Variants in EPB41L4B observed in about 807,000 individuals in gnomAD.
The protein encoded by EPB41L4B is band 4.1-like protein 4B.
In EPB41L4B, 30 loss-of-function variants were observed where a neutral mutation model predicts 112.5. The observed-to-expected ratio is 0.27, with a 90% CI of 0.20 to 0.36. The LOEUF is 0.36. EPB41L4B is among the 10% of genes least tolerant of loss of function. EPB41L4B has a pLI of 1.00. For missense variants in EPB41L4B, 1,024 were observed against 1,133.3 expected, an observed-to-expected ratio of 0.90 and a Z score of 1.38; for synonymous variants, 408 against 439.7, an observed-to-expected ratio of 0.93 and a Z score of 0.90.
chr9:109,221,030 C>T (rs964884416), intron 15 of EPB41L4B, among the ~76,000 whole-genome samples: 20 of 152,252 alleles, frequency 1.3e-4, no homozygotes, highest in Non-Finnish European at 2.5e-4. Context: ...TCAGCTGTAA[C>T]GTGAGTTGGG....
intron 2 of EPB41L4B, among the ~76,000 whole-genome samples, chr9:109,276,627 C>T (rs534180063): frequency 8.3e-4 from 127 of 152,280 alleles, no homozygotes; most frequent in African/African-American, 2.9e-3. Flanking sequence ...AGGTGTCTGG[C>T]CTGGGAAAGC....
chr9:109,210,245 T>C (rs1278297784), intron 17 of EPB41L4B, among the ~76,000 whole-genome samples: 2 of 152,260 alleles, frequency 1.3e-5, no homozygotes, highest in African/African-American at 4.8e-5. Flanking sequence ...AAGTAACATT[T>C]ATTTTGAAAG....
intron 1 of EPB41L4B, among the ~76,000 whole-genome samples, chr9:109,306,445 C>A (rs1837195593): frequency 6.6e-6 from 1 of 152,114 alleles, no homozygotes; most frequent in East Asian, 1.9e-4. Flanking sequence ...AAAACCCCGT[C>A]TCTATTAAAA....
rs550043612 is a variant in EPB41L4B, at chr9:109,289,864, TC to T, written c.307-9944del. On this transcript the variant is annotated intron_variant, in intron 1 of 25. Coordinates refer to ENST00000374566, the MANE Select transcript of EPB41L4B (RefSeq NM_019114.5). ...TTGCATTTGTTCCAACTAAATTGCATCCTATTTAAATTGGCCTATGATCTAT... is the reference window on the plus strand; with the variant it reads ...TTGCATTTGTTCCAACTAAATTGCATCTATTTAAATTGGCCTATGATCTAT... 1.1e-3 allele frequency among the ~76,000 whole-genome samples: 172 copies of T among 152,344 alleles called. 2 individuals carry two copies. Among genetic ancestry groups the T allele is most frequent in the African/African-American group, 4.0e-3 (165 of 41,586 alleles).
intron 24 of EPB41L4B, among the ~76,000 whole-genome samples, chr9:109,181,772 T>C (rs1248376701): frequency 2.0e-5 from 3 of 152,170 alleles, no homozygotes; most frequent in Non-Finnish European, 4.4e-5. Context: ...TGAAAACAGG[T>C]GTTCAAACAG....
At position 109,283,821 on chromosome 9, in the gene EPB41L4B, T is replaced by A. The variant is rs1836164755; in HGVS notation, c.307-3900A>T. Among the ~76,000 whole-genome samples the A allele has an allele frequency of 2.6e-5, 4 of 151,970 alleles. No homozygotes were observed. In the South Asian group the frequency reaches 8.3e-4, roughly 32 times the overall value. The stretch of plus-strand genomic sequence containing the variant: ...TGCACTTAAGGCCAGGCATGGTGGC[T>A]CATGCCTCTAATTCCAGTACTTTGG... On this transcript the variant is annotated intron_variant, in intron 1 of 25. Transcript: ENST00000374566.
chr9:109,263,066 A>G lies in EPB41L4B; in HGVS notation c.615T>C (p.Ala205=). The change falls in exon 6 of 26, where the codon GCT becomes GCC. Residue 205 remains alanine, a synonymous_variant. Transcript: ENST00000374566. ...KCPYETAVEL[A]ALCLQAELGE... is the part of the protein sequence containing the mutation. ...TTAATGTACCTTGTAGACAGAGAGC[A>G]GCTAATTCCACAGCTGTTTCATAAG... 1 of 1,597,240 alleles carries G rather than the reference A, an allele frequency of 6.3e-7. No individual in the cohort carries two copies. Among genetic ancestry groups the G allele is most frequent in the Non-Finnish European group, 8.6e-7 (1 of 1,168,792 alleles).
chr9:109,301,770 G>A lies in EPB41L4B; in HGVS notation c.306+18371C>T, dbSNP rs377505531. The stretch of plus-strand genomic sequence containing the variant: ...ACAACGCGTTGAGATAAATATTTCC[G>A]ATAAAAATAACCCCAACTGATACTC... On this transcript the variant is annotated intron_variant, in intron 1 of 25. Transcript: ENST00000374566. Among the ~76,000 whole-genome samples, 9 of 152,216 alleles carry A rather than the reference G, an allele frequency of 5.9e-5. No individual in the cohort carries two copies. In the East Asian group the frequency reaches 1.2e-3, roughly 20 times the overall value.
At chr9:109,239,270 G>C (rs911763092) in intron 15 of EPB41L4B, among the ~76,000 whole-genome samples, 3 of 152,190 alleles carry the variant, frequency 2.0e-5, no homozygotes, top group Non-Finnish European at 4.4e-5. Context: ...AGTTGTAGAT[G>C]ATGTATACAT....
At position 109,321,035 on chromosome 9, in the gene EPB41L4B, T is replaced by C. The variant is rs1467993034; in HGVS notation, c.-589A>G. 1.8e-4 allele frequency: 34 copies of C among 186,862 alleles called. No homozygotes were observed. The highest frequency in any genetic ancestry group is 1.0e-3 in the East Asian group (6 of 5,952). 11.6% of individuals were successfully genotyped at this position (186,862 alleles called of 1,614,324 possible). On this transcript the variant is annotated 5_prime_UTR_variant, in exon 1 of 26. Transcript: ENST00000374566. ...CCGCCGCCGCCGCCGCCGCCGCCGC[T>C]GCCGCCGGGACTGCAGCACGCCCTC...
At position 109,194,256 on chromosome 9, in the gene EPB41L4B, C is replaced by T; in HGVS notation, c.2187G>A (p.Lys729=). The change falls in exon 21 of 26, where the codon AAG becomes AAA. Residue 729 remains lysine (K), a synonymous_variant. Transcript: ENST00000374566. The part of the protein sequence containing the change: ...PKVQNVSSPH[K]SEGKGLLSPG... ...GGGACAGCAGGCCTTTGCCTTCTGACTTGTGAGGCGAGCTGACATTCTGGA... is the reference window on the plus strand; with the variant it reads ...GGGACAGCAGGCCTTTGCCTTCTGATTTGTGAGGCGAGCTGACATTCTGGA... 6.2e-7 allele frequency: 1 copy of T among 1,614,216 alleles called. No homozygotes were observed. The highest frequency in any genetic ancestry group is 8.5e-7 in the Non-Finnish European group (1 of 1,180,042).
rs150684957 is a variant in EPB41L4B at position 109,260,308 on chromosome 9, G to A, written c.632-2011C>T. Among the ~76,000 whole-genome samples, 526 of 151,802 alleles carry A rather than the reference G, an allele frequency of 3.5e-3. 4 individuals are homozygous for A. The highest frequency in any genetic ancestry group is 0.012 in the African/African-American group (496 of 41,380). Reference sequence around the variant, plus strand: ...TGGTCTCAAACTCCTGGGCCCAAGCGATCCGCCCACCTCAGCCTCCCAAAG... The same window carrying A: ...TGGTCTCAAACTCCTGGGCCCAAGCAATCCGCCCACCTCAGCCTCCCAAAG... On this transcript the variant is annotated intron_variant, in intron 6 of 25. Transcript: ENST00000374566.
chr9:109,202,265 G>A (rs1588132663), intron 19 of EPB41L4B, among the ~76,000 whole-genome samples: 2 of 152,304 alleles, frequency 1.3e-5, no homozygotes, highest in East Asian at 3.9e-4. Context: ...TGTATCTCAG[G>A]AGTAAGACAA....
intron 1 of EPB41L4B, among the ~76,000 whole-genome samples, chr9:109,319,221 A>T (rs1247739669): frequency 2.6e-5 from 4 of 152,166 alleles, no homozygotes; most frequent in Non-Finnish European, 5.9e-5. Flanking sequence ...AGGAAGACTC[A>T]CTGGTAACTG....
rs1193446228 is a variant in EPB41L4B at position 109,172,870 on chromosome 9, T to A, written c.*1684A>T. ...TTACCTTTTTTTGTAGTCATTAGTA[T>A]CAAATTATTGGCACCATTCAGTTTT... On this transcript the variant is annotated 3_prime_UTR_variant, in exon 26 of 26. Transcript: ENST00000374566. 6.6e-6 allele frequency: 1 copy of A among 152,630 alleles called. No individual in the cohort carries two copies. The highest frequency in any genetic ancestry group is 2.4e-5 in the African/African-American group (1 of 41,452). The allele number at this position is 152,630 out of a possible 1,614,324, so 9.5% of individuals were successfully genotyped here.
chr9:109,272,531 T>C (rs1835662624), intron 2 of EPB41L4B, among the ~76,000 whole-genome samples: 1 of 152,060 alleles, frequency 6.6e-6, no homozygotes, highest in Admixed American at 6.5e-5. Context: ...GGCAGGTGGA[T>C]CACTTGAGGT....
At chr9:109,291,651 T>C (rs1295278654) in intron 1 of EPB41L4B, among the ~76,000 whole-genome samples, 2 of 152,208 alleles carry the variant, frequency 1.3e-5, no homozygotes, top group African/African-American at 4.8e-5. Flanking sequence ...CTGTCCTTAA[T>C]TTTGATCAAC....
At chr9:109,206,537 A>G (rs1832998393) in intron 18 of EPB41L4B, among the ~76,000 whole-genome samples, 1 of 152,172 alleles carries the variant, frequency 6.6e-6, no homozygotes, top group South Asian at 2.1e-4. Context: ...AGCTTTTTAT[A>G]ATATTTCCAG....
chr9:109,287,914 T>G (rs1564321869), intron 1 of EPB41L4B, among the ~76,000 whole-genome samples: 1 of 152,230 alleles, frequency 6.6e-6, no homozygotes, highest in Non-Finnish European at 1.5e-5. Context: ...CAAGTCTTTC[T>G]GTGGCCAGCT....
Sources: allele counts gnomAD v4.1 joint callset (sites outside exome capture counted in the v4.1 genomes callset), GRCh38; gene constraint gnomAD v4.1.1; transcripts MANE v1.5; gene names NCBI Gene and HGNC (gene_info 2026-07-23, HGNC 2026-07-21).